The following RIT2 variants were observed in gnomAD, a reference collection of about 807,000 sequenced individuals.
The protein encoded by RIT2 is Ras like without CAAX 2.
Under a neutral mutation model 23.7 loss-of-function variants are expected in RIT2, and 24 were observed. The observed-to-expected ratio is 1.01, with a 90% CI of 0.73 to 1.43. The LOEUF (loss-of-function observed/expected upper bound fraction) is 1.43, where lower values mean the gene tolerates loss of function less well. Ranked by LOEUF, RIT2 falls within the 40% of genes most tolerant of loss-of-function variation. The probability of loss-of-function intolerance (pLI) is 0.00; values close to 1 mark genes in which losing one functional copy is unlikely to be tolerated. For synonymous variants in RIT2, 107 were observed against 91.1 expected, an observed-to-expected ratio of 1.17 and a Z score of -0.99; for missense variants, 236 against 266.9, an observed-to-expected ratio of 0.88 and a Z score of 0.81.
At chr18:43,016,124 T>A (rs190091335) in intron 2 of RIT2, among the ~76,000 whole-genome samples, 1 of 152,032 alleles carries the variant, frequency 6.6e-6, no homozygotes, top group East Asian at 1.9e-4. Flanking sequence ...TTGTTTAATG[T>A]ACAAAAGCAT....
At chr18:42,865,446 T>C (rs1424749407) in intron 4 of RIT2, among the ~76,000 whole-genome samples, 2 of 152,182 alleles carry the variant, frequency 1.3e-5, no homozygotes, top group Non-Finnish European at 2.9e-5. Flanking sequence ...AATAGGCACA[T>C]AGCAATGTAT....
chr18:43,059,733 AG>A (rs754654036), intron 1 of RIT2, among the ~76,000 whole-genome samples: 1 of 152,184 alleles, frequency 6.6e-6, no homozygotes, highest in African/African-American at 2.4e-5. Flanking sequence ...AAATTTCTCC[AG>A]TTAAACTGTG....
intron 3 of RIT2, among the ~76,000 whole-genome samples, chr18:42,949,829 T>A (rs976169013): frequency 6.6e-6 from 1 of 152,138 alleles, no homozygotes; most frequent in South Asian, 2.1e-4. Flanking sequence ...ACTGAATCTT[T>A]ACCCCAATTG....
intron 4 of RIT2, among the ~76,000 whole-genome samples, chr18:42,890,164 T>G (rs528207492): frequency 6.6e-6 from 1 of 151,886 alleles, no homozygotes; most frequent in Non-Finnish European, 1.5e-5. Flanking sequence ...AAAATGAGAG[T>G]TTCAGGATAC....
intron 4 of RIT2, among the ~76,000 whole-genome samples, chr18:42,793,374 A>G (rs1343053105): frequency 6.6e-6 from 1 of 152,152 alleles, no homozygotes; most frequent in African/African-American, 2.4e-5. Context: ...ATCATCCCTC[A>G]TACATCTACT....
At position 42,791,138 on chromosome 18, in the gene RIT2, C is replaced by T. The variant is rs1382536602; in HGVS notation, c.427-47418G>A. On this transcript the variant is annotated intron_variant, in intron 4 of 4. Coordinates refer to ENST00000326695, the MANE Select transcript of RIT2 (RefSeq NM_002930.4). Reference sequence around the variant, plus strand: ...TTGGGAAGCAGCAGGACTGTAGGATCGCCAAGTTATTAAATATGCATATTT... The same window carrying T: ...TTGGGAAGCAGCAGGACTGTAGGATTGCCAAGTTATTAAATATGCATATTT... Among the ~76,000 whole-genome samples the T allele has an allele frequency of 2.6e-5, 4 of 152,220 alleles. No individual in the cohort carries two copies. In the South Asian group the frequency reaches 8.3e-4, roughly 32 times the overall value.
chr18:42,916,612 T>G (rs1908916513), intron 4 of RIT2, among the ~76,000 whole-genome samples: 1 of 152,096 alleles, frequency 6.6e-6, no homozygotes, highest in African/African-American at 2.4e-5. Context: ...TTTTAATTTG[T>G]AAGAGAGTGT....
At chr18:42,793,765 C>G (rs1276459878) in intron 4 of RIT2, among the ~76,000 whole-genome samples, 2 of 152,160 alleles carry the variant, frequency 1.3e-5, no homozygotes, top group Non-Finnish European at 2.9e-5. Flanking sequence ...AAGAAGTATT[C>G]TAAGGAGAAA....
chr18:42,998,834 G>A (rs1911043788), intron 2 of RIT2, among the ~76,000 whole-genome samples: 1 of 151,950 alleles, frequency 6.6e-6, no homozygotes, highest in Admixed American at 6.6e-5. Flanking sequence ...CAGGGGTTGG[G>A]GAAATAATTT....
At chr18:42,906,171 G>A (rs1385386210) in intron 4 of RIT2, among the ~76,000 whole-genome samples, 3 of 151,610 alleles carry the variant, frequency 2.0e-5, no homozygotes, top group Non-Finnish European at 4.4e-5. Flanking sequence ...ATGTTCCTCT[G>A]TTTGGGACAC....
chr18:43,065,293 C>T (rs1171322440), intron 1 of RIT2, among the ~76,000 whole-genome samples: 2 of 133,282 alleles, frequency 1.5e-5, no homozygotes, highest in East Asian at 2.4e-4. Context: ...GTGTGGCACA[C>T]AATTATAGCT....
At chr18:42,818,973 C>G (rs1218495320) in intron 4 of RIT2, among the ~76,000 whole-genome samples, 1 of 151,932 alleles carries the variant, frequency 6.6e-6, no homozygotes, top group Admixed American at 6.6e-5. Context: ...GTTACAAGTG[C>G]TAAATGTTAT....
At chr18:43,081,566 A>G (rs1379842803) in intron 1 of RIT2, among the ~76,000 whole-genome samples, 1 of 152,160 alleles carries the variant, frequency 6.6e-6, no homozygotes. Context: ...CTCCACCTTG[A>G]GATAAATATG....
intron 4 of RIT2, among the ~76,000 whole-genome samples, chr18:42,748,407 G>C (rs574067097): frequency 6.6e-6 from 1 of 151,766 alleles, no homozygotes; most frequent in African/African-American, 2.4e-5. Context: ...ACTCCTGCAC[G>C]AATGGTCATT....
intron 1 of RIT2, among the ~76,000 whole-genome samples, chr18:43,080,857 G>A (rs1568076308): frequency 6.6e-6 from 1 of 152,076 alleles, no homozygotes; most frequent in Non-Finnish European, 1.5e-5. Context: ...CACAGGGTTT[G>A]TTCTTCTTAA....
intron 1 of RIT2, among the ~76,000 whole-genome samples, chr18:43,099,379 T>G (rs973946533): frequency 6.6e-6 from 1 of 152,168 alleles, no homozygotes; most frequent in East Asian, 1.9e-4. Context: ...GAACATTACA[T>G]TAAGTAACGT....
At chr18:42,859,775 AT>A (rs368488258) in intron 4 of RIT2, among the ~76,000 whole-genome samples, 15,770 of 147,252 alleles carry the variant, frequency 0.11, 913 homozygotes, top group Middle Eastern at 0.25. Context: ...GTTCAAGTTA[AT>A]TTTTTTTTTT....
intron 1 of RIT2, among the ~76,000 whole-genome samples, chr18:43,037,449 A>T (rs1912006746): frequency 1.3e-5 from 2 of 152,112 alleles, no homozygotes; most frequent in Admixed American, 1.3e-4. Context: ...TGAATTTACA[A>T]TCGTAAATCA....
At chr18:42,930,254 T>C (rs146454733) in intron 3 of RIT2, among the ~76,000 whole-genome samples, 1 of 151,774 alleles carries the variant, frequency 6.6e-6, no homozygotes, top group East Asian at 2.0e-4. Flanking sequence ...AGAGTCACAG[T>C]GGAGGAAAGG....
Sources: gnomAD v4.1 joint callset for allele counts (sites outside exome capture counted in the v4.1 genomes callset) on GRCh38, gnomAD v4.1.1 for gene constraint, MANE v1.5 for transcripts, NCBI Gene and HGNC (gene_info 2026-07-23, HGNC 2026-07-21) for gene names.